INSYN2B: variants seen among roughly 807,000 people sequenced by gnomAD.
INSYN2B encodes the protein inhibitory synaptic factor family member 2B, also known as protein INSYN2B.
A neutral mutation model predicts 41.2 loss-of-function variants in INSYN2B; 16 were observed. The observed-to-expected ratio is 0.39, with a 90% CI of 0.26 to 0.59. INSYN2B has a LOEUF of 0.59. INSYN2B is among the 20% of genes least tolerant of loss of function. INSYN2B has a pLI of 0.57. For synonymous variants in INSYN2B, 245 were observed against 244.4 expected (o/e 1.00, Z -0.02); for missense variants, 608 against 646.4 (o/e 0.94, Z 0.64).
At chr5:169,940,201 T>C (rs1776181632) in intron 1 of INSYN2B, among the ~76,000 whole-genome samples, 2 of 152,200 alleles carry the variant, frequency 1.3e-5, no homozygotes, top group African/African-American at 4.8e-5. Flanking sequence ...GCTTTAACAA[T>C]GAAGGTAGAA....
intron 1 of INSYN2B, among the ~76,000 whole-genome samples, chr5:169,930,716 C>T (rs1775711523): frequency 6.6e-6 from 1 of 152,212 alleles, no homozygotes; most frequent in Non-Finnish European, 1.5e-5. Context: ...GCTTCTCTCA[C>T]TGCAGTCTAC....
intron 1 of INSYN2B, among the ~76,000 whole-genome samples, chr5:169,895,978 C>A (rs1184083740): frequency 6.6e-6 from 1 of 152,166 alleles, no homozygotes; most frequent in Non-Finnish European, 1.5e-5. Flanking sequence ...TGAACAGGGA[C>A]CTTTATGTGA....
At chr5:169,952,585 A>G (rs1234898676) in intron 1 of INSYN2B, among the ~76,000 whole-genome samples, 4 of 152,086 alleles carry the variant, frequency 2.6e-5, no homozygotes, top group Admixed American at 1.3e-4. Context: ...ATGAGACTGT[A>G]CAGGAGTCAA....
rs1776622426 is a variant in INSYN2B at position 169,950,617 on chromosome 5, T to C, written c.-919+29660A>G. ...CACCTGGATCATGCTACAGATTTTCTATGTGACAGGAGGCCTCAGGTGTAC... is the reference window on the plus strand; with the variant it reads ...CACCTGGATCATGCTACAGATTTTCCATGTGACAGGAGGCCTCAGGTGTAC... On this transcript the variant is annotated intron_variant, in intron 1 of 3. Coordinates refer to ENST00000377365, the MANE Select transcript of INSYN2B (RefSeq NM_001129891.3). Among the ~76,000 whole-genome samples, 3 of 152,234 alleles carry C rather than the reference T, an allele frequency of 2.0e-5. 1 individual carries two copies. The highest frequency in any genetic ancestry group is 1.3e-4 in the Admixed American group (2 of 15,286).
chr5:169,865,157 G>A (rs1172245452), intron 3 of INSYN2B, among the ~76,000 whole-genome samples: 1 of 152,170 alleles, frequency 6.6e-6, no homozygotes, highest in East Asian at 1.9e-4. Flanking sequence ...CTCTACTGAT[G>A]GATGGACATT....
At chr5:169,929,626 C>T (rs1217021952) in intron 1 of INSYN2B, among the ~76,000 whole-genome samples, 1 of 151,674 alleles carries the variant, frequency 6.6e-6, no homozygotes, top group Non-Finnish European at 1.5e-5. Flanking sequence ...GCCTGTAGTC[C>T]CTGCTACTCG....
chr5:169,908,081 T>C (rs1361552970), intron 1 of INSYN2B, among the ~76,000 whole-genome samples: 1 of 152,200 alleles, frequency 6.6e-6, no homozygotes, highest in East Asian at 1.9e-4. Context: ...AAAGCTTTCA[T>C]TGAACAACAG....
At chr5:169,945,564 CG>C (rs1561843156) in intron 1 of INSYN2B, among the ~76,000 whole-genome samples, 1 of 152,174 alleles carries the variant, frequency 6.6e-6, no homozygotes, top group African/African-American at 2.4e-5. Context: ...GTGCTCATTT[CG>C]AAGGTGAGAA....
At position 169,902,906 on chromosome 5, in the gene INSYN2B, T is replaced by A. The variant is rs192322505; in HGVS notation, c.-918-18090A>T. The stretch of plus-strand genomic sequence containing the variant: ...CAAGGTCAAGAGATCGAGACCATCT[T>A]GGCCAACATGGTGAAACCCTGTCTC... On this transcript the variant is annotated intron_variant, in intron 1 of 3. Transcript: ENST00000377365. Among the ~76,000 whole-genome samples the A allele has an allele frequency of 2.1e-3, 313 of 152,158 alleles. 1 individual carries two copies. The highest frequency in any genetic ancestry group is 7.1e-3 in the African/African-American group (294 of 41,508).
chr5:169,930,054 G>A (rs879929943), intron 1 of INSYN2B, among the ~76,000 whole-genome samples: 3 of 152,236 alleles, frequency 2.0e-5, no homozygotes, highest in East Asian at 3.9e-4. Flanking sequence ...GCAGTGGCAC[G>A]ATCTCAGCTC....
chr5:169,961,557 A>T (rs1777086016), intron 1 of INSYN2B, among the ~76,000 whole-genome samples: 1 of 152,232 alleles, frequency 6.6e-6, no homozygotes, highest in Non-Finnish European at 1.5e-5. Context: ...GACTAAGCAG[A>T]CATTTCTCTG....
intron 1 of INSYN2B, among the ~76,000 whole-genome samples, chr5:169,893,933 A>G (rs969842661): frequency 6.6e-6 from 1 of 152,176 alleles, no homozygotes; most frequent in Admixed American, 6.5e-5. Context: ...TACACTTGAC[A>G]ATCTCTTCCT....
chr5:169,966,686 A>G (rs1384625168), intron 1 of INSYN2B, among the ~76,000 whole-genome samples: 1 of 152,204 alleles, frequency 6.6e-6, no homozygotes, highest in African/African-American at 2.4e-5. Flanking sequence ...AGCAAGTGGC[A>G]GGACAGAGCT....
chr5:169,883,239 A>G lies in INSYN2B; in HGVS notation c.660T>C (p.Ala220=), dbSNP rs1347873674. 6.4e-7 allele frequency: 1 copy of G among 1,551,594 alleles called. No individual in the cohort carries two copies. The highest frequency in any genetic ancestry group is 2.0e-5 in the Admixed American group (1 of 51,006). The part of the protein sequence containing the change: ...HSPSWEARES[A]LSPDRSAEVS... ...CTTCAGCTGACCTGTCTGGGCTGAG[A>G]GCAGACTCTCTAGCTTCCCAGGAAG... The change falls in exon 2 of 4, where the codon GCT becomes GCC. Residue 220 remains alanine, a synonymous_variant. Coordinates refer to ENST00000377365, the MANE Select transcript of INSYN2B (RefSeq NM_001129891.3).
At chr5:169,909,134 A>C (rs1222421810) in intron 1 of INSYN2B, among the ~76,000 whole-genome samples, 1 of 152,160 alleles carries the variant, frequency 6.6e-6, no homozygotes, top group African/African-American at 2.4e-5. Context: ...CTGTGCCTCC[A>C]TTTCTAAAGC....
intron 1 of INSYN2B, among the ~76,000 whole-genome samples, chr5:169,952,682 C>G (rs1272184025): frequency 6.6e-6 from 1 of 152,114 alleles, no homozygotes; most frequent in African/African-American, 2.4e-5. Context: ...TTCCTAATCC[C>G]GTGGATATCA....
intron 1 of INSYN2B, among the ~76,000 whole-genome samples, chr5:169,901,895 C>T (rs928218741): frequency 5.9e-5 from 9 of 152,140 alleles, no homozygotes; most frequent in South Asian, 2.1e-4. Flanking sequence ...GCATGGTGGC[C>T]GCCTTGCAAG....
intron 1 of INSYN2B, among the ~76,000 whole-genome samples, chr5:169,978,818 C>A (rs375161184): frequency 3.9e-5 from 6 of 152,160 alleles, no homozygotes; most frequent in Admixed American, 6.5e-5. Flanking sequence ...CAAGTGCCTG[C>A]GATGATTGCA....
chr5:169,891,933 T>C (rs1581368730), intron 1 of INSYN2B, among the ~76,000 whole-genome samples: 1 of 148,488 alleles, frequency 6.7e-6, no homozygotes, highest in Non-Finnish European at 1.5e-5. Context: ...GAGGCGGAGG[T>C]TGCAGTGAGC....
Sources: gnomAD v4.1 joint callset for allele counts (sites outside exome capture counted in the v4.1 genomes callset) on GRCh38, gnomAD v4.1.1 for gene constraint, MANE v1.5 for transcripts, NCBI Gene and HGNC (gene_info 2026-07-23, HGNC 2026-07-21) for gene names.